The following PSD3 variants were observed in gnomAD, a reference collection of about 807,000 sequenced individuals.
PSD3 encodes the protein pleckstrin and Sec7 domain containing 3.
Under a neutral mutation model 105.5 loss-of-function variants are expected in PSD3, and 49 were observed. That is an observed-to-expected ratio of 0.46 (90% CI 0.37 to 0.59). The LOEUF (loss-of-function observed/expected upper bound fraction) is 0.59, where lower values mean the gene tolerates loss of function less well. Among genes scored for constraint, PSD3 ranks in the 20% least tolerant of loss-of-function variants. PSD3 has a pLI of 0.00. For synonymous variants in PSD3, 557 were observed against 457.8 expected, an observed-to-expected ratio of 1.22 and a Z score of -2.77; for missense variants, 1,561 against 1,263.8, an observed-to-expected ratio of 1.24 and a Z score of -3.57.
chr8:18,984,305 C>A (rs954244298), intron 1 of PSD3, among the ~76,000 whole-genome samples: 6 of 151,890 alleles, frequency 4.0e-5, no homozygotes, highest in African/African-American at 1.5e-4. Context: ...AACTGAACTA[C>A]ACAATTCTCA....
intron 9 of PSD3, among the ~76,000 whole-genome samples, chr8:18,755,877 CATT>C: frequency 6.6e-6 from 1 of 152,092 alleles, no homozygotes; most frequent in African/African-American, 2.4e-5. Context: ...AAAGCAGCAT[CATT>C]ATTCTGCCCA....
intron 11 of PSD3, among the ~76,000 whole-genome samples, chr8:18,616,616 C>CTCTTT (rs1184228134): frequency 5.0e-5 from 4 of 80,298 alleles, no homozygotes; most frequent in Admixed American, 4.0e-4. Flanking sequence ...TCATCTTCCT[C>CTCTTT]TCTTTTCTTT....
chr8:18,743,691 T>G (rs1203589526), intron 9 of PSD3, among the ~76,000 whole-genome samples: 1 of 151,364 alleles, frequency 6.6e-6, no homozygotes, highest in Non-Finnish European at 1.5e-5. Context: ...TGGAAGTTCC[T>G]ATTTGGGAGG....
At chr8:18,741,680 T>A (rs1280927278) in intron 9 of PSD3, among the ~76,000 whole-genome samples, 8 of 151,996 alleles carry the variant, frequency 5.3e-5, no homozygotes, top group Admixed American at 5.2e-4. Flanking sequence ...GCTAAGATTA[T>A]CCGTCCTATC....
intron 1 of PSD3, among the ~76,000 whole-genome samples, chr8:18,952,343 T>C (rs1563456823): frequency 6.6e-6 from 1 of 151,944 alleles, no homozygotes; most frequent in Non-Finnish European, 1.5e-5. Flanking sequence ...TTGTTTGAGC[T>C]TGCCAGAGAC....
At chr8:18,886,148 C>G (rs1381870718) in intron 2 of PSD3, among the ~76,000 whole-genome samples, 1 of 151,570 alleles carries the variant, frequency 6.6e-6, no homozygotes, top group Non-Finnish European at 1.5e-5. Flanking sequence ...AAACAGGGAG[C>G]AGACATAGGG....
chr8:18,661,864 G>A (rs187146776), intron 9 of PSD3, among the ~76,000 whole-genome samples: 19 of 152,214 alleles, frequency 1.2e-4, no homozygotes, highest in Non-Finnish European at 1.9e-4. Context: ...GTGTTCTCCC[G>A]TACCCACTGG....
At chr8:18,764,105 A>G (rs943803992) in intron 9 of PSD3, among the ~76,000 whole-genome samples, 1 of 152,176 alleles carries the variant, frequency 6.6e-6, no homozygotes, top group African/African-American at 2.4e-5. Flanking sequence ...GCCAACCGTC[A>G]TGCAGGTTAC....
At chr8:18,562,891 T>TAAAGAAAAAGAAAAAGAAAAAGAA (rs200291771) in intron 14 of PSD3, among the ~76,000 whole-genome samples, 6 of 128,832 alleles carry the variant, frequency 4.7e-5, no homozygotes, top group African/African-American at 1.8e-4. Context: ...TCTGTCTAGA[T>TAAAGAAAAAGAAAAAGAAAAAGAA]AAAGAAAAAG....
chr8:18,639,402 A>T (rs1435982544), intron 10 of PSD3, among the ~76,000 whole-genome samples: 1 of 152,106 alleles, frequency 6.6e-6, no homozygotes, highest in African/African-American at 2.4e-5. Context: ...CTAGTCCACC[A>T]TTGTGCCCCA....
intron 11 of PSD3, among the ~76,000 whole-genome samples, chr8:18,604,776 G>C (rs1036763144): frequency 6.6e-6 from 1 of 152,182 alleles, no homozygotes; most frequent in Non-Finnish European, 1.5e-5. Flanking sequence ...TTGCATCCCA[G>C]CTTCTCCAGG....
chr8:18,586,229 G>A (rs914041766), intron 12 of PSD3, among the ~76,000 whole-genome samples: 4 of 152,168 alleles, frequency 2.6e-5, no homozygotes, highest in African/African-American at 9.7e-5. Flanking sequence ...TGGGATGGGA[G>A]TAGTGAAAGA....
At chr8:18,860,201 G>A (rs550562782) in intron 4 of PSD3, among the ~76,000 whole-genome samples, 11 of 152,190 alleles carry the variant, frequency 7.2e-5, no homozygotes, top group African/African-American at 2.2e-4. Context: ...TGGAGCAATC[G>A]GAACACACAA....
chr8:18,646,229 C>T (rs1327615671), intron 10 of PSD3, among the ~76,000 whole-genome samples: 1 of 152,010 alleles, frequency 6.6e-6, no homozygotes, highest in South Asian at 2.1e-4. Context: ...TTTTAAAGTT[C>T]CCTCATAAAT....
chr8:18,825,750 G>A (rs925005470), intron 4 of PSD3, among the ~76,000 whole-genome samples: 2 of 152,094 alleles, frequency 1.3e-5, no homozygotes, highest in African/African-American at 2.4e-5. Context: ...ACCTCCACAC[G>A]CAACTCATTG....
At chr8:18,817,457 A>G (rs1171797129) in intron 4 of PSD3, among the ~76,000 whole-genome samples, 1 of 152,180 alleles carries the variant, frequency 6.6e-6, no homozygotes, top group Non-Finnish European at 1.5e-5. Flanking sequence ...TGATTTTTCT[A>G]AGGCTGAATC....
chr8:19,058,541 G>A (rs973942455), intron 1 of PSD3, among the ~76,000 whole-genome samples: 3 of 150,772 alleles, frequency 2.0e-5, no homozygotes, highest in Admixed American at 1.3e-4. Context: ...TCATAGAACT[G>A]TACATACACA....
At chr8:18,711,616 C>T (rs1364348466) in intron 9 of PSD3, among the ~76,000 whole-genome samples, 1 of 152,140 alleles carries the variant, frequency 6.6e-6, no homozygotes, top group East Asian at 1.9e-4. Flanking sequence ...CAGGAGCATC[C>T]AGATTCATAA....
chr8:18,562,865 G>C (rs2634433), intron 14 of PSD3, among the ~76,000 whole-genome samples: 141,577 of 151,902 alleles, frequency 0.93, 66,117 homozygotes, highest in Non-Finnish European at 0.97. Flanking sequence ...CTCCAGCCTG[G>C]GCGACAGAGT....
Sources: gnomAD v4.1 joint callset for allele counts (sites outside exome capture counted in the v4.1 genomes callset) on GRCh38, gnomAD v4.1.1 for gene constraint, MANE v1.5 for transcripts, NCBI Gene and HGNC (gene_info 2026-07-23, HGNC 2026-07-21) for gene names.